SPAG16: variants seen among roughly 807,000 people sequenced by gnomAD.
The protein encoded by SPAG16 is sperm associated antigen 16.
A neutral mutation model predicts 80.4 loss-of-function variants in SPAG16; 86 were observed. That is an observed-to-expected ratio of 1.07 (90% CI 0.90 to 1.28). The LOEUF (loss-of-function observed/expected upper bound fraction) is 1.28. Among genes scored for constraint, SPAG16 ranks in the 50% most tolerant of loss-of-function variants. The pLI is 0.00. For missense variants in SPAG16, 870 were observed against 765.3 expected (o/e 1.14, Z -1.61); for synonymous variants, 294 against 265.9 (o/e 1.11, Z -1.03).
At chr2:213,594,914 A>G (rs1406972127) in intron 10 of SPAG16, among the ~76,000 whole-genome samples, 4 of 152,076 alleles carry the variant, frequency 2.6e-5, no homozygotes, top group Non-Finnish European at 4.4e-5. Flanking sequence ...TTTGGAATTA[A>G]CTTACTTTTG....
intron 1 of SPAG16, among the ~76,000 whole-genome samples, chr2:213,289,625 C>T (rs1323657162): frequency 6.6e-6 from 1 of 152,134 alleles, no homozygotes; most frequent in African/African-American, 2.4e-5. Flanking sequence ...AAGAAAGGGA[C>T]CAAGACTATG....
intron 10 of SPAG16, among the ~76,000 whole-genome samples, chr2:213,681,386 A>G (rs2064370172): frequency 6.6e-6 from 1 of 152,182 alleles, no homozygotes; most frequent in Non-Finnish European, 1.5e-5. Context: ...AATTTGGGTA[A>G]GATAAAAAAT....
In SPAG16 at chr2:214,184,582, C is replaced by T. The variant is rs1018800373; in HGVS notation, c.1720+35316C>T. Among the ~76,000 whole-genome samples the T allele has an allele frequency of 4.6e-5, 7 of 151,974 alleles. No individual in the cohort carries two copies. The East Asian group carries it at 1.4e-3, about 29-fold the overall frequency. The stretch of plus-strand genomic sequence containing the variant: ...AACTATTGCTTGAATATTACCTGTG[C>T]ATTACTTAAGGGGGAATCTGCAAAC... On this transcript the variant is annotated intron_variant, in intron 15 of 15. Coordinates refer to ENST00000331683, the MANE Select transcript of SPAG16 (RefSeq NM_024532.5).
intron 13 of SPAG16, among the ~76,000 whole-genome samples, chr2:214,072,893 C>CTATATTTAGTAT (rs1481221951): frequency 5.4e-4 from 82 of 152,214 alleles, no homozygotes; most frequent in Middle Eastern, 3.4e-3. Context: ...ACTTTAGATA[C>CTATATTTAGTAT]TTGTATTTCC....
intron 10 of SPAG16, among the ~76,000 whole-genome samples, chr2:213,751,541 C>T (rs1042177763): frequency 1.3e-5 from 2 of 152,144 alleles, no homozygotes; most frequent in Non-Finnish European, 2.9e-5. Context: ...GGGTGAACTC[C>T]CTGCCACCTC....
chr2:214,295,603 T>A (rs1030268323), intron 15 of SPAG16, among the ~76,000 whole-genome samples: 2 of 152,016 alleles, frequency 1.3e-5, no homozygotes, highest in African/African-American at 2.4e-5. Flanking sequence ...CCAGCCTGGC[T>A]AACATGGCGA....
chr2:213,427,551 T>C (rs1225459666), intron 9 of SPAG16, among the ~76,000 whole-genome samples: 1 of 152,184 alleles, frequency 6.6e-6, no homozygotes, highest in Non-Finnish European at 1.5e-5. Context: ...TCATTCTATA[T>C]GCAATACATC....
At chr2:214,324,975 C>A (rs73989420) in intron 15 of SPAG16, among the ~76,000 whole-genome samples, 9,827 of 152,204 alleles carry the variant, frequency 0.065, 1,034 homozygotes, top group African/African-American at 0.22. Context: ...CCATTTTATG[C>A]AGGAAATGAC....
chr2:213,772,016 A>G (rs1161522881), intron 10 of SPAG16, among the ~76,000 whole-genome samples: 2 of 152,142 alleles, frequency 1.3e-5, no homozygotes, highest in African/African-American at 2.4e-5. Flanking sequence ...TGGGAATAGC[A>G]TTGAATCTAT....
intron 8 of SPAG16, among the ~76,000 whole-genome samples, chr2:213,367,649 G>C (rs925146483): frequency 1.3e-5 from 2 of 151,758 alleles, no homozygotes; most frequent in African/African-American, 2.4e-5. Flanking sequence ...TTTTTTTCTT[G>C]TAAATTGGTT....
At chr2:213,982,766 A>G (rs2045823580) in intron 12 of SPAG16, among the ~76,000 whole-genome samples, 2 of 151,992 alleles carry the variant, frequency 1.3e-5, no homozygotes, top group Non-Finnish European at 2.9e-5. Flanking sequence ...TGAGATGACA[A>G]TTGGAAAGTT....
chr2:213,978,552 C>G (rs1466935211), intron 12 of SPAG16, among the ~76,000 whole-genome samples: 2 of 152,086 alleles, frequency 1.3e-5, no homozygotes, highest in African/African-American at 2.4e-5. Context: ...ACACTACTTC[C>G]AATTTCTAAA....
intron 15 of SPAG16, among the ~76,000 whole-genome samples, chr2:214,346,302 A>G (rs1052088500): frequency 6.6e-6 from 1 of 152,184 alleles, no homozygotes; most frequent in African/African-American, 2.4e-5. Flanking sequence ...ATTTTATTAT[A>G]GTTTAAATGT....
intron 9 of SPAG16, among the ~76,000 whole-genome samples, chr2:213,380,235 C>T (rs2067099655): frequency 6.6e-6 from 1 of 152,210 alleles, no homozygotes; most frequent in Non-Finnish European, 1.5e-5. Flanking sequence ...GGGAAGATTT[C>T]CCTTCATCAC....
chr2:213,412,788 A>T (rs1303907703), intron 9 of SPAG16, among the ~76,000 whole-genome samples: 1 of 152,232 alleles, frequency 6.6e-6, no homozygotes, highest in Non-Finnish European at 1.5e-5. Context: ...ATAGAAGAGT[A>T]AGAGGAGAAT....
chr2:213,416,807 G>A (rs1024779562), intron 9 of SPAG16, among the ~76,000 whole-genome samples: 2 of 152,140 alleles, frequency 1.3e-5, no homozygotes, highest in African/African-American at 4.8e-5. Flanking sequence ...CTTAAAGACA[G>A]GGGGCACAGT....
chr2:214,076,496 ATTC>A (rs1444959519), intron 13 of SPAG16, among the ~76,000 whole-genome samples: 2 of 148,018 alleles, frequency 1.4e-5, no homozygotes, highest in Non-Finnish European at 3.0e-5. Flanking sequence ...ATTTATTTTA[ATTC>A]TTCTTATTTT....
intron 10 of SPAG16, among the ~76,000 whole-genome samples, chr2:213,496,147 T>C (rs1455947307): frequency 6.6e-6 from 1 of 152,194 alleles, no homozygotes; most frequent in African/African-American, 2.4e-5. Flanking sequence ...TAGCAACTAT[T>C]TCAGTAATCC....
intron 15 of SPAG16, among the ~76,000 whole-genome samples, chr2:214,210,110 A>T (rs760302183): frequency 2.0e-5 from 3 of 152,266 alleles, no homozygotes; most frequent in Non-Finnish European, 4.4e-5. Context: ...CTGAAACTCC[A>T]GGACAGGATT....
Sources: gnomAD v4.1 joint callset for allele counts (sites outside exome capture counted in the v4.1 genomes callset) on GRCh38, gnomAD v4.1.1 for gene constraint, MANE v1.5 for transcripts, NCBI Gene and HGNC (gene_info 2026-07-23, HGNC 2026-07-21) for gene names.